Variants in PIBF1 observed in about 807,000 individuals in gnomAD.
PIBF1 encodes the protein progesterone immunomodulatory binding factor 1.
PIBF1 carries 90 observed loss-of-function variants against 112.5 expected under a neutral mutation model. That is an observed-to-expected ratio of 0.80 (90% CI 0.67 to 0.95). The LOEUF (loss-of-function observed/expected upper bound fraction) is 0.95, where lower values mean the gene tolerates loss of function less well. PIBF1 is among the 40% of genes least tolerant of loss of function. PIBF1 has a pLI of 0.00. For synonymous variants in PIBF1, 301 were observed against 288.6 expected, an observed-to-expected ratio of 1.04 and a Z score of -0.44; for missense variants, 915 against 852.3, an observed-to-expected ratio of 1.07 and a Z score of -0.92.
chr13:72,814,375 G>A (rs2036166343), intron 5 of PIBF1, among the ~76,000 whole-genome samples: 1 of 149,552 alleles, frequency 6.7e-6, no homozygotes, highest in African/African-American at 2.5e-5. Context: ...GGCGGAGGTT[G>A]CAGTGAGCCG....
At chr13:72,990,577 G>C (rs564130440) in intron 16 of PIBF1, among the ~76,000 whole-genome samples, 1 of 149,678 alleles carries the variant, frequency 6.7e-6, no homozygotes, top group East Asian at 2.0e-4. Flanking sequence ...GCTGGGCATG[G>C]TGGCTCACAC....
At chr13:72,977,426 T>A (rs1207234784) in intron 16 of PIBF1, among the ~76,000 whole-genome samples, 1 of 152,212 alleles carries the variant, frequency 6.6e-6, no homozygotes, top group Non-Finnish European at 1.5e-5. Flanking sequence ...TAGACTGGTC[T>A]CAAACTCCTG....
At chr13:72,883,928 A>ATATATACG (rs1259505307) in intron 10 of PIBF1, among the ~76,000 whole-genome samples, 1 of 152,168 alleles carries the variant, frequency 6.6e-6, no homozygotes, top group African/African-American at 2.4e-5. Context: ...AAATATACAG[A>ATATATACG]TATATACGTA....
At chr13:72,870,380 A>C (rs7998287) in intron 10 of PIBF1, among the ~76,000 whole-genome samples, 1 of 152,074 alleles carries the variant, frequency 6.6e-6, no homozygotes, top group Admixed American at 6.5e-5. Flanking sequence ...AGAGAAACGT[A>C]TCTCTCCCCA....
At chr13:72,983,003 A>T (rs1169064094) in intron 16 of PIBF1, among the ~76,000 whole-genome samples, 1 of 152,226 alleles carries the variant, frequency 6.6e-6, no homozygotes, top group East Asian at 1.9e-4. Flanking sequence ...TATCACACTT[A>T]TACAGAATCA....
chr13:72,863,807 C>T (rs1356766243), intron 10 of PIBF1, among the ~76,000 whole-genome samples: 1 of 152,084 alleles, frequency 6.6e-6, no homozygotes, highest in African/African-American at 2.4e-5. Context: ...ACACTATGTA[C>T]ACAATAAAGA....
At chr13:72,806,727 A>G (rs1467981548) in intron 5 of PIBF1, among the ~76,000 whole-genome samples, 2 of 152,184 alleles carry the variant, frequency 1.3e-5, no homozygotes, top group Non-Finnish European at 2.9e-5. Context: ...GCTGCATAGT[A>G]TTCCATGGTG....
chr13:72,873,394 A>G (rs2039246696), intron 10 of PIBF1, among the ~76,000 whole-genome samples: 1 of 152,242 alleles, frequency 6.6e-6, no homozygotes, highest in Admixed American at 6.5e-5. Context: ...ACCATTAAGA[A>G]AAACTTGTTT....
intron 14 of PIBF1, among the ~76,000 whole-genome samples, chr13:72,936,632 T>C (rs1057035710): frequency 3.9e-5 from 6 of 152,206 alleles, no homozygotes; most frequent in African/African-American, 1.4e-4. Context: ...TGTTCTCGAC[T>C]CTCTGTTCCA....
chr13:72,797,811 A>G (rs2035269681), intron 4 of PIBF1, 96 bp from the exon 5 acceptor site: 3 of 882,036 alleles, frequency 3.4e-6, no homozygotes, highest in Non-Finnish European at 5.1e-6. Flanking sequence ...TTTTGTAAAT[A>G]TTTATCTTTA....
chr13:72,895,587 T>C (rs765381042), intron 11 of PIBF1, among the ~76,000 whole-genome samples: 16 of 152,106 alleles, frequency 1.1e-4, no homozygotes, highest in East Asian at 3.8e-4. Flanking sequence ...TTAAACTTTT[T>C]TTTTTACCTT....
intron 11 of PIBF1, among the ~76,000 whole-genome samples, chr13:72,902,640 C>T (rs1212726527): frequency 6.6e-6 from 1 of 152,046 alleles, no homozygotes; most frequent in Non-Finnish European, 1.5e-5. Flanking sequence ...TGATGCATGT[C>T]GCAGCATTAT....
At chr13:72,948,962 G>A (rs975684774) in intron 14 of PIBF1, among the ~76,000 whole-genome samples, 7 of 152,184 alleles carry the variant, frequency 4.6e-5, no homozygotes, top group African/African-American at 1.4e-4. Flanking sequence ...GATGAACTTT[G>A]GATGGGAACA....
chr13:72,877,753 C>CTTTTT (rs569331110), intron 10 of PIBF1, among the ~76,000 whole-genome samples: 2 of 139,988 alleles, frequency 1.4e-5, no homozygotes, highest in Admixed American at 7.2e-5. Context: ...CTTTTCTTTT[C>CTTTTT]TTTTTTTTTT....
chr13:72,841,143 T>A (rs1317592748), intron 9 of PIBF1, among the ~76,000 whole-genome samples: 1 of 152,236 alleles, frequency 6.6e-6, no homozygotes, highest in East Asian at 1.9e-4. Flanking sequence ...AATTATAATA[T>A]GTATGTATGC....
intron 5 of PIBF1, among the ~76,000 whole-genome samples, chr13:72,809,589 GTTT>G (rs34696804): frequency 2.0e-5 from 2 of 100,908 alleles, no homozygotes; most frequent in African/African-American, 3.3e-5. Flanking sequence ...TTTTTTTTTG[GTTT>G]TTTTTTTTTT....
chr13:72,870,420 A>G (rs995145682), intron 10 of PIBF1, among the ~76,000 whole-genome samples: 2 of 152,196 alleles, frequency 1.3e-5, no homozygotes, highest in African/African-American at 4.8e-5. Flanking sequence ...GGAGAAAAAT[A>G]TGTACGTGTG....
chr13:72,964,284 A>G (rs2042682018), intron 14 of PIBF1, among the ~76,000 whole-genome samples: 1 of 152,208 alleles, frequency 6.6e-6, no homozygotes, highest in Admixed American at 6.5e-5. Context: ...GGAATAGGCA[A>G]ATTCACAGAG....
At chr13:72,831,571 G>A (rs1009046452) in intron 8 of PIBF1, among the ~76,000 whole-genome samples, 16 of 152,116 alleles carry the variant, frequency 1.1e-4, no homozygotes, top group African/African-American at 3.1e-4. Flanking sequence ...GTAGTTGTAC[G>A]CTTCTGAGTG....
Sources: gnomAD v4.1 joint callset for allele counts (sites outside exome capture counted in the v4.1 genomes callset) on GRCh38, gnomAD v4.1.1 for gene constraint, MANE v1.5 for transcripts, NCBI Gene and HGNC (gene_info 2026-07-23, HGNC 2026-07-21) for gene names.